Variants in NFIX observed in about 807,000 individuals in gnomAD.
NFIX encodes nuclear factor I X.
A neutral mutation model predicts 53.3 loss-of-function variants in NFIX; 2 were observed. The observed-to-expected ratio is 0.04, with a 90% CI of 0.02 to 0.12. The LOEUF is 0.12. Among genes scored for constraint, NFIX ranks in the 10% least tolerant of loss-of-function variants. The pLI is 1.00. For synonymous variants in NFIX, 244 were observed against 289.0 expected (o/e 0.84, Z 1.58); for missense variants, 310 against 674.5 (o/e 0.46, Z 5.99).
At chr19:13,074,704 C>CT (rs1262168364) in intron 5 of NFIX, among the ~76,000 whole-genome samples, 331 of 135,982 alleles carry the variant, frequency 2.4e-3, no homozygotes, top group East Asian at 4.3e-3. Context: ...GTCCACTCCA[C>CT]TTTTTTTTTT....
chr19:13,000,556 G>C (rs975267048), intron 1 of NFIX, among the ~76,000 whole-genome samples: 33 of 151,488 alleles, frequency 2.2e-4, no homozygotes, highest in African/African-American at 7.8e-4. Flanking sequence ...TGGTGGGGGA[G>C]AGTGGGGGGC....
chr19:13,050,964 C>A (rs1014852306), intron 2 of NFIX, among the ~76,000 whole-genome samples: 1 of 152,210 alleles, frequency 6.6e-6, no homozygotes, highest in Admixed American at 6.5e-5. Flanking sequence ...TTGGAGATGG[C>A]CCTGGGCAGG....
rs1568295387 is a variant in NFIX at position 13,052,513 on chromosome 19, T to C, written c.560-20534T>C. Reference sequence around the variant, plus strand: ...GTCACTGGGGGTCATGCCAGTGAGCTTCCTGCGCTGCTGGCCCTGGCTCTG... The same window carrying C: ...GTCACTGGGGGTCATGCCAGTGAGCCTCCTGCGCTGCTGGCCCTGGCTCTG... On this transcript the variant is annotated intron_variant, in intron 2 of 10. Coordinates refer to ENST00000592199, the MANE Select transcript of NFIX (RefSeq NM_001365902.3). This position sits in a 1 kb window ranked among gnomAD's most constrained non-coding sequence, Gnocchi z 5.2. 6.6e-6 allele frequency among the ~76,000 whole-genome samples: 1 copy of C among 152,136 alleles called. No homozygotes were observed. The highest frequency in any genetic ancestry group is 1.9e-4 in the East Asian group (1 of 5,186).
rs2018512254 is a variant in NFIX, at chr19:13,097,142, G to T, written c.*2493G>T. 6.6e-6 allele frequency: 1 copy of T among 151,090 alleles called. No individual in the cohort carries two copies. Among genetic ancestry groups the T allele is most frequent in the Non-Finnish European group, 1.5e-5 (1 of 67,784 alleles). 9.4% of individuals were successfully genotyped at this position (151,090 alleles called of 1,614,324 possible). ...CCGGGCCTGCCCCGCCCTGCGCGGG[G>T]ATAACGAAAGCTGAGTGTTTTTCCC... On this transcript the variant is annotated 3_prime_UTR_variant, in exon 11 of 11. Transcript: ENST00000592199.
In NFIX at chr19:13,037,928, C is replaced by T. The variant is rs2014326583; in HGVS notation, c.559+12376C>T. On this transcript the variant is annotated intron_variant, in intron 2 of 10. Coordinates refer to ENST00000592199, the MANE Select transcript of NFIX (RefSeq NM_001365902.3). This position sits in a 1 kb window ranked among gnomAD's most constrained non-coding sequence, Gnocchi z 4.2. ...AAGTGCGGAGGTGGAGAAACCCAGCCTTAGAGGGAGAATAAGCAGACCCTG... is the reference window on the plus strand; with the variant it reads ...AAGTGCGGAGGTGGAGAAACCCAGCTTTAGAGGGAGAATAAGCAGACCCTG... 1.3e-5 allele frequency among the ~76,000 whole-genome samples: 2 copies of T among 152,124 alleles called. No homozygotes were observed. The highest frequency in any genetic ancestry group is 4.8e-5 in the African/African-American group (2 of 41,426).
intron 8 of NFIX, among the ~76,000 whole-genome samples, chr19:13,084,663 A>T (rs1177973605): frequency 6.6e-6 from 1 of 152,072 alleles, no homozygotes; most frequent in Non-Finnish European, 1.5e-5. Flanking sequence ...ATGATGGAGA[A>T]ATCACAGGGC....
In NFIX at chr19:13,072,915, G is replaced by C. The variant is rs80055486; in HGVS notation, c.560-132G>C. 2,200 of 855,822 alleles carry C rather than the reference G, an allele frequency of 2.6e-3. 44 individuals carry two copies. The African/African-American group carries it at 0.033, about 13-fold the overall frequency. The allele number at this position is 855,822 out of a possible 1,614,324, so 53.0% of individuals were successfully genotyped here. Reference sequence around the variant, plus strand: ...CCTCCTGGGGCTGGTTTGGGGAGAGGGTGGGGTGAAGGTTTCTGTAGCCAG... The same window carrying C: ...CCTCCTGGGGCTGGTTTGGGGAGAGCGTGGGGTGAAGGTTTCTGTAGCCAG... On this transcript the variant is annotated intron_variant, in intron 2 of 10. Coordinates refer to ENST00000592199, the MANE Select transcript of NFIX (RefSeq NM_001365902.3). This position sits in a 1 kb window ranked among gnomAD's most constrained non-coding sequence, Gnocchi z 4.0.
chr19:13,023,713 G>A (rs1235126124), intron 1 of NFIX, among the ~76,000 whole-genome samples: 1 of 147,582 alleles, frequency 6.8e-6, no homozygotes, highest in Non-Finnish European at 1.5e-5. Context: ...TTTACCTGGC[G>A]TGTGTGGCAG....
rs1041285542 is a variant in NFIX at position 13,048,638 on chromosome 19, T to C, written c.559+23086T>C. On this transcript the variant is annotated intron_variant, in intron 2 of 10. Coordinates refer to ENST00000592199, the MANE Select transcript of NFIX (RefSeq NM_001365902.3). ...GTTTTGGGAAGCCGAGGCAGGAGGA[T>C]TGCTTGAGGCTAGGAGTTCAAGACC... is the stretch of plus-strand genomic sequence containing the variant. Among the ~76,000 whole-genome samples, 43 of 151,750 alleles carry C rather than the reference T, an allele frequency of 2.8e-4. 2 individuals are homozygous for C. Among genetic ancestry groups the C allele is most frequent in the Admixed American group, 2.8e-3 (42 of 15,252 alleles).
chr19:13,086,516 G>A (rs988420455), intron 8 of NFIX, among the ~76,000 whole-genome samples: 3 of 152,180 alleles, frequency 2.0e-5, no homozygotes, highest in African/African-American at 7.2e-5. Flanking sequence ...AGGCTTCCCA[G>A]GGCAGGCCTG....
rs769513682 is a variant in NFIX, at chr19:13,025,245, G to T, written c.252G>T (p.Arg84=). 8.4e-5 allele frequency: 136 copies of T among 1,614,042 alleles called. No individual in the cohort carries two copies. Among genetic ancestry groups the T allele is most frequent in the Non-Finnish European group, 1.1e-4 (131 of 1,179,998 alleles). The change falls in exon 2 of 11, where the codon CGG becomes CGT. Residue 84 remains arginine, a synonymous_variant. Coordinates refer to ENST00000592199, the MANE Select transcript of NFIX (RefSeq NM_001365902.3). This position sits in a 1 kb window ranked among gnomAD's most constrained non-coding sequence, Gnocchi z 7.5. The part of the protein sequence containing the change: ...RLLAKLRKDI[R]PEFREDFVLT... ...TGGCCAAGCTGCGCAAGGACATCCG[G>T]CCCGAGTTCCGCGAGGACTTCGTGC...
intron 2 of NFIX, among the ~76,000 whole-genome samples, chr19:13,063,624 A>AT (rs1453021322): frequency 6.6e-6 from 1 of 151,228 alleles, no homozygotes; most frequent in East Asian, 1.9e-4. Flanking sequence ...TTTGGCCCTG[A>AT]TTCTCTACTG....
At chr19:13,017,059 C>T (rs2012707926) in intron 1 of NFIX, among the ~76,000 whole-genome samples, 1 of 152,294 alleles carries the variant, frequency 6.6e-6, no homozygotes, top group Admixed American at 6.5e-5. Context: ...TTCGTTAGGA[C>T]GTTGGGTCTG....
Position 13,005,083 on chromosome 19 carries a change from C to T in NFIX, c.27+9219C>T, listed in dbSNP as rs2011944411. Among the ~76,000 whole-genome samples the T allele has an allele frequency of 6.6e-6, 1 of 152,168 alleles. No individual in the cohort carries two copies. The highest frequency in any genetic ancestry group is 2.4e-5 in the African/African-American group (1 of 41,432). On this transcript the variant is annotated intron_variant, in intron 1 of 10. Coordinates refer to ENST00000592199, the MANE Select transcript of NFIX (RefSeq NM_001365902.3). The surrounding 1 kb of genome is among the most constrained non-coding windows in gnomAD (Gnocchi z 4.7). ...CCGCCCGCCTCGGCCTCCCAAAGTG[C>T]TGGGATTACAGGCGTGAGCCACTGT...
At position 13,095,303 on chromosome 19, in the gene NFIX, C is replaced by T. The variant is rs2018376409; in HGVS notation, c.*654C>T. The T allele has an allele frequency of 6.6e-6, 1 of 152,314 alleles. No homozygotes were observed. The highest frequency in any genetic ancestry group is 1.5e-5 in the Non-Finnish European group (1 of 68,166). The allele number at this position is 152,314 out of a possible 1,614,324, so 9.4% of individuals were successfully genotyped here. On this transcript the variant is annotated 3_prime_UTR_variant, in exon 11 of 11. Coordinates refer to ENST00000592199, the MANE Select transcript of NFIX (RefSeq NM_001365902.3). ...CACCCCACCCTTGGGCTAAAAGCCC[C>T]CAGGCGGGCAGGGGGTGACCCCTGG...
intron 2 of NFIX, among the ~76,000 whole-genome samples, chr19:13,044,602 C>T (rs983582938): frequency 1.3e-5 from 2 of 152,116 alleles, no homozygotes; most frequent in Non-Finnish European, 2.9e-5. Context: ...CCCCTGGGCC[C>T]AACTCCAACC....
At chr19:13,059,846 C>T (rs981338360) in intron 2 of NFIX, among the ~76,000 whole-genome samples, 9 of 127,138 alleles carry the variant, frequency 7.1e-5, no homozygotes, top group Non-Finnish European at 1.4e-4. Context: ...TGCAGTGGTG[C>T]GATCTCGGCT....
rs1350744383 is a variant in NFIX, at chr19:13,045,986, A to T, written c.559+20434A>T. 1.3e-5 allele frequency among the ~76,000 whole-genome samples: 2 copies of T among 152,156 alleles called. No individual in the cohort carries two copies. Among genetic ancestry groups the T allele is most frequent in the Non-Finnish European group, 2.9e-5 (2 of 68,024 alleles). On this transcript the variant is annotated intron_variant, in intron 2 of 10. Coordinates refer to ENST00000592199, the MANE Select transcript of NFIX (RefSeq NM_001365902.3). The surrounding 1 kb of genome is among the most constrained non-coding windows in gnomAD (Gnocchi z 4.4). Reference sequence around the variant, plus strand: ...TCCAGCTTCCATCTTGCAAGGACACAGGCCCCACCCTGGCTTCTCCCCAAC... The same window carrying T: ...TCCAGCTTCCATCTTGCAAGGACACTGGCCCCACCCTGGCTTCTCCCCAAC...
At chr19:13,041,938 C>T (rs1234063850) in intron 2 of NFIX, among the ~76,000 whole-genome samples, 1 of 152,034 alleles carries the variant, frequency 6.6e-6, no homozygotes, top group Non-Finnish European at 1.5e-5. Flanking sequence ...CGCTCTGTCG[C>T]CCAGGCTGGA....
Sources: allele counts gnomAD v4.1 joint callset (sites outside exome capture counted in the v4.1 genomes callset), GRCh38; gene constraint gnomAD v4.1.1; non-coding constraint Gnocchi (gnomAD v3.1); transcripts MANE v1.5; gene names NCBI Gene and HGNC (gene_info 2026-07-23, HGNC 2026-07-21).